The following PXDNL variants were observed in gnomAD, a reference collection of about 807,000 sequenced individuals.
PXDNL encodes the protein peroxidasin like, also known as probable oxidoreductase PXDNL.
PXDNL carries 145 observed loss-of-function variants against 150.8 expected under a neutral mutation model. That is an observed-to-expected ratio of 0.96 (90% CI 0.84 to 1.10). The LOEUF is 1.10. Among genes scored for constraint, PXDNL ranks in the 50% least tolerant of loss-of-function variants. The pLI is 0.00. For synonymous variants in PXDNL, 757 were observed against 725.7 expected, an observed-to-expected ratio of 1.04 and a Z score of -0.69; for missense variants, 2,087 against 1,873.9, an observed-to-expected ratio of 1.11 and a Z score of -2.10.
At chr8:51,399,544 G>C (rs1372626626) in intron 17 of PXDNL, among the ~76,000 whole-genome samples, 7 of 152,160 alleles carry the variant, frequency 4.6e-5, no homozygotes, top group Non-Finnish European at 7.4e-5. Flanking sequence ...ACAGTGAGAG[G>C]AATCCAATAT....
intron 4 of PXDNL, among the ~76,000 whole-genome samples, chr8:51,538,633 G>A (rs1018996058): frequency 6.6e-6 from 1 of 152,062 alleles, no homozygotes; most frequent in African/African-American, 2.4e-5. Flanking sequence ...CGAGTCTGGT[G>A]GTGGGCGTCT....
intron 14 of PXDNL, among the ~76,000 whole-genome samples, chr8:51,422,370 G>A (rs1808978679): frequency 6.6e-6 from 1 of 152,132 alleles, no homozygotes; most frequent in Admixed American, 6.5e-5. Context: ...TGCCAAAAAG[G>A]TTGGGGACCA....
intron 1 of PXDNL, among the ~76,000 whole-genome samples, chr8:51,729,315 C>T (rs1816875006): frequency 1.4e-5 from 1 of 70,432 alleles, no homozygotes. Flanking sequence ...TAAAACTCAA[C>T]AATAAGAAAA....
At chr8:51,379,981 G>A (rs182308180) in intron 17 of PXDNL, among the ~76,000 whole-genome samples, 1 of 151,902 alleles carries the variant, frequency 6.6e-6, no homozygotes, top group East Asian at 1.9e-4. Flanking sequence ...TTTTCTTGTG[G>A]CTTTCTATTC....
intron 1 of PXDNL, among the ~76,000 whole-genome samples, chr8:51,735,757 G>A (rs923806887): frequency 1.3e-4 from 20 of 150,528 alleles, no homozygotes; most frequent in African/African-American, 4.1e-4. Flanking sequence ...CGTTTTAGCC[G>A]GGATGGTCTC....
chr8:51,489,536 T>C (rs1810843206), intron 5 of PXDNL, among the ~76,000 whole-genome samples: 1 of 152,186 alleles, frequency 6.6e-6, no homozygotes, highest in African/African-American at 2.4e-5. Flanking sequence ...CAGGCTAGTC[T>C]GGAACTCCTG....
At chr8:51,703,601 G>C (rs1816302448) in intron 1 of PXDNL, among the ~76,000 whole-genome samples, 1 of 152,108 alleles carries the variant, frequency 6.6e-6, no homozygotes, top group African/African-American at 2.4e-5. Context: ...CATCTGGTAT[G>C]CTTGATAAAA....
intron 1 of PXDNL, among the ~76,000 whole-genome samples, chr8:51,788,252 A>G (rs1451012938): frequency 6.6e-6 from 1 of 152,224 alleles, no homozygotes; most frequent in Non-Finnish European, 1.5e-5. Context: ...AATTTTGAGG[A>G]CCATTAATGA....
At chr8:51,620,218 C>T (rs1036026396) in intron 2 of PXDNL, among the ~76,000 whole-genome samples, 1 of 152,028 alleles carries the variant, frequency 6.6e-6, no homozygotes, top group African/African-American at 2.4e-5. Flanking sequence ...AGAATAATAG[C>T]CAAAGACCAG....
Position 51,448,959 on chromosome 8 carries a change from G to A in PXDNL, c.1366+43C>T, listed in dbSNP as rs748215454. The stretch of plus-strand genomic sequence containing the variant: ...TTTTTTTTTACTATCCACAAAAGAA[G>A]GCACTTATTTTTCCCCACAATTACC... On this transcript the variant is annotated intron_variant, in intron 11 of 22. Transcript: ENST00000356297. The A allele has an allele frequency of 2.3e-4, 221 of 963,982 alleles. 2 individuals carry two copies. Among genetic ancestry groups the A allele is most frequent in the Non-Finnish European group, 2.8e-4 (173 of 610,682 alleles). The allele number at this position is 963,982 out of a possible 1,614,324, so 59.7% of individuals were successfully genotyped here. A position where few individuals can be genotyped will look rare whatever the true frequency, so the allele number is the denominator to read the frequency against.
At chr8:51,704,761 T>G (rs1013508092) in intron 1 of PXDNL, among the ~76,000 whole-genome samples, 1 of 152,250 alleles carries the variant, frequency 6.6e-6, no homozygotes, top group Non-Finnish European at 1.5e-5. Context: ...GGTGGTTTAT[T>G]GGACATGAAT....
intron 1 of PXDNL, among the ~76,000 whole-genome samples, chr8:51,743,939 G>GGAAGGAAGGAAGGAAGGAAGGAAGGA (rs2036934997): frequency 1.1e-4 from 3 of 27,648 alleles, no homozygotes; most frequent in Non-Finnish European, 4.1e-4. Flanking sequence ...AAGGAAGGAA[G>GGAAGGAAGGAAGGAAGGAAGGAAGGA]GAGAGAAAGA....
chr8:51,670,294 A>T (rs976077433), intron 1 of PXDNL, among the ~76,000 whole-genome samples: 2 of 152,192 alleles, frequency 1.3e-5, no homozygotes, highest in Non-Finnish European at 2.9e-5. Context: ...CATGAAGAGA[A>T]TACAATCATG....
At chr8:51,350,539 G>A (rs1806318579) in intron 19 of PXDNL, among the ~76,000 whole-genome samples, 1 of 151,876 alleles carries the variant, frequency 6.6e-6, no homozygotes, top group Non-Finnish European at 1.5e-5. Context: ...ATTATTAGTA[G>A]AGACGGGGTT....
chr8:51,427,316 G>T (rs954309947), intron 12 of PXDNL, among the ~76,000 whole-genome samples: 2 of 152,024 alleles, frequency 1.3e-5, no homozygotes, highest in African/African-American at 4.8e-5. Flanking sequence ...ATTTGACCCA[G>T]TGTTTAAAAA....
intron 19 of PXDNL, among the ~76,000 whole-genome samples, chr8:51,363,381 A>G (rs1480480590): frequency 6.6e-6 from 1 of 152,124 alleles, no homozygotes; most frequent in East Asian, 1.9e-4. Context: ...TTCAGCCGGG[A>G]GGTTTCGCAA....
At chr8:51,637,719 A>G (rs1814637221) in intron 2 of PXDNL, among the ~76,000 whole-genome samples, 1 of 152,204 alleles carries the variant, frequency 6.6e-6, no homozygotes, top group Non-Finnish European at 1.5e-5. Flanking sequence ...CCAAATCTAC[A>G]TCTGATTGGT....
chr8:51,404,486 G>GCAT (rs1233624924), intron 17 of PXDNL, among the ~76,000 whole-genome samples: 9 of 147,374 alleles, frequency 6.1e-5, no homozygotes, highest in African/African-American at 2.4e-4. Context: ...GCTGATTGGT[G>GCAT]CATTTACAAA....
At chr8:51,571,714 A>T (rs1329438221) in intron 3 of PXDNL, among the ~76,000 whole-genome samples, 1 of 151,888 alleles carries the variant, frequency 6.6e-6, no homozygotes, top group African/African-American at 2.4e-5. Flanking sequence ...TAGGACAGAA[A>T]TGTGAGTTTT....
Sources: allele counts gnomAD v4.1 joint callset (sites outside exome capture counted in the v4.1 genomes callset), GRCh38; gene constraint gnomAD v4.1.1; transcripts MANE v1.5; gene names NCBI Gene and HGNC (gene_info 2026-07-23, HGNC 2026-07-21).